RBFOX1: variants seen among roughly 807,000 people sequenced by gnomAD.
RBFOX1 encodes RNA binding protein fox-1 homolog 1.
A neutral mutation model predicts 57.7 loss-of-function variants in RBFOX1; 8 were observed. That is an observed-to-expected ratio of 0.14 (90% CI 0.08 to 0.25). The LOEUF (loss-of-function observed/expected upper bound fraction) is 0.25. RBFOX1 is among the 10% of genes least tolerant of loss of function. RBFOX1 has a pLI of 1.00. For missense variants in RBFOX1, 611 were observed against 548.5 expected (o/e 1.11, Z -1.14); for synonymous variants, 326 against 222.4 (o/e 1.47, Z -4.15).
chr16:7,478,754 C>G (rs1599476688), intron 4 of RBFOX1, among the ~76,000 whole-genome samples: 2 of 152,196 alleles, frequency 1.3e-5, no homozygotes, highest in Non-Finnish European at 2.9e-5. Context: ...AAAACTGACT[C>G]CGCTTATTGC....
intron 3 of RBFOX1, among the ~76,000 whole-genome samples, chr16:6,807,331 A>G (rs147007302): frequency 5.0e-4 from 76 of 152,244 alleles, no homozygotes; most frequent in African/African-American, 1.7e-3. Flanking sequence ...GAACTTGGCA[A>G]TAAATTGATA....
At chr16:5,527,811 T>C (rs1441192757) in intron 2 of RBFOX1, among the ~76,000 whole-genome samples, 1 of 152,176 alleles carries the variant, frequency 6.6e-6, no homozygotes, top group Non-Finnish European at 1.5e-5. Context: ...CCCATCATTG[T>C]GGACCTTTGG....
intron 4 of RBFOX1, among the ~76,000 whole-genome samples, chr16:7,294,272 GGA>G (rs1266044684): frequency 6.6e-6 from 1 of 151,998 alleles, no homozygotes; most frequent in Non-Finnish European, 1.5e-5. Flanking sequence ...CCTGTGCACT[GGA>G]AACAGACTCC....
rs374128939 is a variant in RBFOX1, at chr16:7,010,383, A to C, written c.-15-41674A>C. Among the ~76,000 whole-genome samples the C allele has an allele frequency of 1.1e-4, 16 of 152,244 alleles. No individual in the cohort carries two copies. The East Asian group carries it at 1.4e-3, about 13-fold the overall frequency. ...TGTACAGACTCTTACGCTAGGACAC[A>C]CACTGGTGAGATCTTGGTGATTATT... On this transcript the variant is annotated intron_variant, in intron 3 of 15. Transcript: ENST00000550418.
At chr16:6,357,761 G>A (rs532186869) in intron 2 of RBFOX1, among the ~76,000 whole-genome samples, 4 of 151,940 alleles carry the variant, frequency 2.6e-5, no homozygotes, top group East Asian at 2.0e-4. Flanking sequence ...CCAGCCTGGC[G>A]AACATCGTGA....
intron 4 of RBFOX1, chr16:7,332,694 T>C: frequency 1.1e-6 from 1 of 930,490 alleles, no homozygotes; most frequent in East Asian, 4.6e-5. Flanking sequence ...CTCTGAGAAC[T>C]AAATTAATGA....
chr16:5,384,973 C>T (rs1271087925), intron 1 of RBFOX1, among the ~76,000 whole-genome samples: 1 of 152,170 alleles, frequency 6.6e-6, no homozygotes, highest in Admixed American at 6.5e-5. Context: ...AAAACAAAAT[C>T]GCTTACTGCA....
In RBFOX1 at chr16:7,518,279, G is replaced by T; in HGVS notation, c.160G>T (p.Gly54Cys). ...PHPHPAPEYT[G>C]QTTVPEHTLN... ...TCCCCACCCCGCGCCAGAGTACACA[G>T]GCCAGACCACGGTTCCCGAGCACAC... is the stretch of plus-strand genomic sequence containing the variant. Residue 54 changes from glycine (G) to cysteine (C), a missense_variant, in exon 5 of 16, where the codon GGC becomes TGC. Physicochemically the swap from Gly to Cys is radical, Grantham distance 159 (BLOSUM62 -3). Transcript: ENST00000550418. 1 of 1,614,096 alleles carries T rather than the reference G, an allele frequency of 6.2e-7. No individual in the cohort carries two copies. Among genetic ancestry groups the T allele is most frequent in the Non-Finnish European group, 8.5e-7 (1 of 1,180,020 alleles).
intron 3 of RBFOX1, among the ~76,000 whole-genome samples, chr16:6,810,921 C>G (rs750595348): frequency 1.1e-4 from 16 of 152,150 alleles, no homozygotes; most frequent in African/African-American, 3.1e-4. Flanking sequence ...GGAGCCAAAT[C>G]ATATCAAGGT....
At chr16:7,133,951 A>G (rs1199167243) in intron 4 of RBFOX1, among the ~76,000 whole-genome samples, 4 of 152,200 alleles carry the variant, frequency 2.6e-5, no homozygotes, top group African/African-American at 4.8e-5. Flanking sequence ...ATGTCAGGGT[A>G]TTTGTCAGGT....
chr16:7,660,925 C>T (rs2067564185), intron 12 of RBFOX1, among the ~76,000 whole-genome samples: 1 of 152,150 alleles, frequency 6.6e-6, no homozygotes, highest in African/African-American at 2.4e-5. Flanking sequence ...AGACAATACC[C>T]AACTCTCTTT....
chr16:7,310,328 GC>G (rs2096280188), intron 4 of RBFOX1, among the ~76,000 whole-genome samples: 1 of 152,144 alleles, frequency 6.6e-6, no homozygotes, highest in Admixed American at 6.5e-5. Context: ...GGGGAAAGAG[GC>G]TTTTCATGGT....
At chr16:6,804,268 A>G (rs536909637) in intron 3 of RBFOX1, among the ~76,000 whole-genome samples, 46 of 151,964 alleles carry the variant, frequency 3.0e-4, no homozygotes, top group African/African-American at 1.0e-3. Context: ...TCAGCCTCCC[A>G]AAGTCCTGGG....
chr16:6,573,055 A>G (rs2097367633), intron 2 of RBFOX1, among the ~76,000 whole-genome samples: 1 of 152,136 alleles, frequency 6.6e-6, no homozygotes, highest in South Asian at 2.1e-4. Context: ...ACAGACTCAG[A>G]TAGGATAGTA....
intron 3 of RBFOX1, among the ~76,000 whole-genome samples, chr16:6,880,470 C>G (rs114857040): frequency 6.6e-6 from 1 of 152,116 alleles, no homozygotes; most frequent in Non-Finnish European, 1.5e-5. Flanking sequence ...GTCATTGGTC[C>G]AAGGTGGACA....
At chr16:5,601,890 CTT>C (rs1231465444), downstream of RBFOX1, among the ~76,000 whole-genome samples, 1 of 152,192 alleles carries the variant, frequency 6.6e-6, no homozygotes, top group African/African-American at 2.4e-5. Flanking sequence ...TTTTAGCTCT[CTT>C]GGGTTGGGTC....
intron 2 of RBFOX1, among the ~76,000 whole-genome samples, chr16:6,387,793 A>G (rs1191152597): frequency 6.6e-6 from 1 of 151,860 alleles, no homozygotes; most frequent in Non-Finnish European, 1.5e-5. Flanking sequence ...CCCTCTGGTG[A>G]TCATTCCTCC....
At chr16:6,422,438 A>G (rs2093801722) in intron 2 of RBFOX1, among the ~76,000 whole-genome samples, 2 of 151,686 alleles carry the variant, frequency 1.3e-5, no homozygotes, top group Admixed American at 6.6e-5. Flanking sequence ...TATTGTTCCC[A>G]TCTTATGCCC....
At chr16:6,913,661 T>C (rs1401088504) in intron 3 of RBFOX1, among the ~76,000 whole-genome samples, 2 of 152,180 alleles carry the variant, frequency 1.3e-5, no homozygotes, top group African/African-American at 4.8e-5. Flanking sequence ...GTTGGTCTCC[T>C]AGAAGCCCTT....
Sources: allele counts gnomAD v4.1 joint callset (sites outside exome capture counted in the v4.1 genomes callset), GRCh38; gene constraint gnomAD v4.1.1; transcripts MANE v1.5; gene names NCBI Gene and HGNC (gene_info 2026-07-23, HGNC 2026-07-21).